The following SMIM43 variants were observed in gnomAD, a reference collection of about 807,000 sequenced individuals.
The protein encoded by SMIM43 is Nodal Enhanced MEsendoderm Peptide.
intron 5 of SMIM43, 105 bp downstream of exon 5, chr4:121,761,433 G>A: frequency 9.5e-7 from 1 of 1,048,986 alleles, no homozygotes; most frequent in Non-Finnish European, 1.4e-6. Flanking sequence ...TTAAAATTTT[G>A]GTCATTTAAA....
In SMIM43 at chr4:121,761,841, T is replaced by G. The variant is rs777019102; in HGVS notation, c.*330A>C. 21 of 1,613,180 alleles carry G rather than the reference T, an allele frequency of 1.3e-5. No homozygotes were observed. Among genetic ancestry groups the G allele is most frequent in the Non-Finnish European group, 1.8e-5 (21 of 1,179,796 alleles). Reference sequence around the variant, plus strand: ...TCCATTGCACTTACAAGTTTGGAAATTAGTGCAACAGCCAAGATTGTCCTG... The same window carrying G: ...TCCATTGCACTTACAAGTTTGGAAAGTAGTGCAACAGCCAAGATTGTCCTG... On this transcript the variant is annotated 3_prime_UTR_variant, in exon 4 of 6. Coordinates refer to ENST00000643802, the MANE Select transcript of SMIM43 (RefSeq NM_001384332.1).
At position 121,764,854 on chromosome 4, in the gene SMIM43, C is replaced by A. The variant is rs1578481800; in HGVS notation, c.*60G>T. On this transcript the variant is annotated 3_prime_UTR_variant, in exon 1 of 6. Coordinates refer to ENST00000643802, the MANE Select transcript of SMIM43 (RefSeq NM_001384332.1). ...AGGCCGCGAGGACGGAGAATCGAGG[C>A]GGAGACCCAGCCCAGCGCCCGCGCA... is the stretch of plus-strand genomic sequence containing the variant. 6 of 397,516 alleles carry A rather than the reference C, an allele frequency of 1.5e-5. No homozygotes were observed. In the East Asian group the frequency reaches 2.1e-4, roughly 14 times the overall value. The allele number at this position is 397,516 out of a possible 1,614,324, so 24.6% of individuals were successfully genotyped here. A position where few individuals can be genotyped will look rare whatever the true frequency, so the allele number is the denominator to read the frequency against.
Position 121,760,131 on chromosome 4 carries a change from T to G in SMIM43, c.*843A>C. The G allele has an allele frequency of 1.8e-6, 2 of 1,111,048 alleles. No individual in the cohort carries two copies. The highest frequency in any genetic ancestry group is 2.6e-5 in the East Asian group (1 of 38,568). 68.8% of individuals were successfully genotyped at this position (1,111,048 alleles called of 1,614,324 possible). ...TTTGACAGTTGTGAAGGAACTAGAG[T>G]TTTGATCTTTTTGAACTTTATGCTC... On this transcript the variant is annotated 3_prime_UTR_variant, in exon 6 of 6. Coordinates refer to ENST00000643802, the MANE Select transcript of SMIM43 (RefSeq NM_001384332.1).
Position 121,760,473 on chromosome 4 carries a change from A to G in SMIM43, c.*501T>C, listed in dbSNP as rs1726001058. ...GGGGTGCTGCGGGGACCATCTTGGA[A>G]CCTGGAGGAAAAAGCCAAGGGAACC... On this transcript the variant is annotated splice_region_variant and 3_prime_UTR_variant, in exon 6 of 6. Coordinates refer to ENST00000643802, the MANE Select transcript of SMIM43 (RefSeq NM_001384332.1). 3 of 1,536,268 alleles carry G rather than the reference A, an allele frequency of 2.0e-6. No homozygotes were observed. The highest frequency in any genetic ancestry group is 2.6e-6 in the Non-Finnish European group (3 of 1,141,810).
In SMIM43 at chr4:121,759,379, G is replaced by T. The variant is rs1725931439; in HGVS notation, c.*1595C>A. On this transcript the variant is annotated 3_prime_UTR_variant, in exon 6 of 6. Coordinates refer to ENST00000643802, the MANE Select transcript of SMIM43 (RefSeq NM_001384332.1). Reference sequence around the variant, plus strand: ...CCATGACTGACCCACACCTCTCCCAGCTGGTTCTACAACACAAGAAAGAGA... The same window carrying T: ...CCATGACTGACCCACACCTCTCCCATCTGGTTCTACAACACAAGAAAGAGA... 6.6e-6 allele frequency: 1 copy of T among 152,196 alleles called. No homozygotes were observed. The highest frequency in any genetic ancestry group is 1.5e-5 in the Non-Finnish European group (1 of 68,048). The allele number at this position is 152,196 out of a possible 1,614,324, so 9.4% of individuals were successfully genotyped here.
chr4:121,760,295 C>T lies in SMIM43; in HGVS notation c.*679G>A. The T allele has an allele frequency of 6.3e-7, 1 of 1,596,648 alleles. No individual in the cohort carries two copies. The highest frequency in any genetic ancestry group is 8.5e-7 in the Non-Finnish European group (1 of 1,174,554). On this transcript the variant is annotated 3_prime_UTR_variant, in exon 6 of 6. Coordinates refer to ENST00000643802, the MANE Select transcript of SMIM43 (RefSeq NM_001384332.1). The stretch of plus-strand genomic sequence containing the variant: ...ATCCAGCTACAAAAACTACATTTCT[C>T]AGACAATCTTGCAGATAGCAGTAGC...
At chr4:121,764,451 T>C in intron 1 of SMIM43, 1 of 153,716 alleles carries the variant, frequency 6.5e-6, no homozygotes, top group Middle Eastern at 3.1e-3. Flanking sequence ...GCCCACACAG[T>C]CTTTCTCAAA....
rs1726279676 is a variant in SMIM43, at chr4:121,765,019, G to A, written c.87C>T (p.Ile29=). The part of the protein sequence containing the change: ...FLLFLLLFVV[I]KQLKNSVANT... ...TGGCCACGGAGTTCTTCAGCTGCTT[G>A]ATGACCACGAAGAGCAGGAGGAAAA... Residue 29 remains isoleucine (I), a synonymous_variant, in exon 1 of 6, where the codon ATC becomes ATT. Transcript: ENST00000643802. The A allele has an allele frequency of 1.3e-5, 5 of 398,670 alleles. No homozygotes were observed. Among genetic ancestry groups the A allele is most frequent in the Non-Finnish European group, 1.3e-5 (3 of 225,888 alleles). The allele number at this position is 398,670 out of a possible 1,614,324, so 24.7% of individuals were successfully genotyped here. A position where few individuals can be genotyped will look rare whatever the true frequency, so the allele number is the denominator to read the frequency against.
chr4:121,760,343 G>T lies in SMIM43; in HGVS notation c.*631C>A. 6.2e-7 allele frequency: 1 copy of T among 1,613,924 alleles called. No individual in the cohort carries two copies. On this transcript the variant is annotated 3_prime_UTR_variant, in exon 6 of 6. Transcript: ENST00000643802. ...AGCCAATGACACAGTTCTGGCCAAT[G>T]AGATGAAGGCAAAAGTTATTGGGCT...
rs1159937953 is a variant in SMIM43 at position 121,760,242 on chromosome 4, A to AGAAGGC, written c.*731_*732insGCCTTC. On this transcript the variant is annotated 3_prime_UTR_variant, in exon 6 of 6. Coordinates refer to ENST00000643802, the MANE Select transcript of SMIM43 (RefSeq NM_001384332.1). Reference sequence around the variant, plus strand: ...ATCATCTTCTTCTTCATCAAGAGAAACTGGATTTTTGTCAAAGGCAGTTAT... The same window carrying AGAAGGC: ...ATCATCTTCTTCTTCATCAAGAGAAAGAAGGCCTGGATTTTTGTCAAAGGCAGTTAT... The AGAAGGC allele has an allele frequency of 2.0e-5, 31 of 1,538,964 alleles. No individual in the cohort carries two copies. In the Middle Eastern group the frequency reaches 7.0e-4, roughly 35 times the overall value.
intron 5 of SMIM43, among the ~76,000 whole-genome samples, chr4:121,761,308 C>A (rs1726049649): frequency 6.6e-6 from 1 of 151,046 alleles, no homozygotes; most frequent in Non-Finnish European, 1.5e-5. Context: ...TGTGTAGATA[C>A]CTTATGCATT....
Position 121,759,714 on chromosome 4 carries a change from C to T in SMIM43, c.*1260G>A, listed in dbSNP as rs1725949353. ...AGGCAATTCTTCTCCCAGGATATTC[C>T]TAGACTGGTGGTGGAGTCACAGAAA... On this transcript the variant is annotated 3_prime_UTR_variant, in exon 6 of 6. Transcript: ENST00000643802. 1 of 152,154 alleles carries T rather than the reference C, an allele frequency of 6.6e-6. No homozygotes were observed. The highest frequency in any genetic ancestry group is 1.5e-5 in the Non-Finnish European group (1 of 68,044). 9.4% of individuals were successfully genotyped at this position (152,154 alleles called of 1,614,324 possible). A position where few individuals can be genotyped will look rare whatever the true frequency, so the allele number is the denominator to read the frequency against.
intron 3 of SMIM43, chr4:121,762,473 T>C (rs1726122575): frequency 6.6e-6 from 1 of 152,270 alleles, no homozygotes; most frequent in African/African-American, 2.4e-5. Flanking sequence ...AGCAGCAAGA[T>C]CTAAGAGCAA....
Position 121,759,452 on chromosome 4 carries a change from G to C in SMIM43, c.*1522C>G, listed in dbSNP as rs1409898321. On this transcript the variant is annotated 3_prime_UTR_variant, in exon 6 of 6. Transcript: ENST00000643802. The stretch of plus-strand genomic sequence containing the variant: ...ACACAATAGCTAGTAGCCCCATTTG[G>C]CTATCTGAATTTAAATTAATTACAA... 6.6e-6 allele frequency: 1 copy of C among 152,096 alleles called. No individual in the cohort carries two copies. Among genetic ancestry groups the C allele is most frequent in the Non-Finnish European group, 1.5e-5 (1 of 68,004 alleles). The allele number at this position is 152,096 out of a possible 1,614,324, so 9.4% of individuals were successfully genotyped here.
chr4:121,765,228 G>T (rs1219622214), upstream of SMIM43: 1 of 382,076 alleles, frequency 2.6e-6, no homozygotes, highest in South Asian at 1.4e-4. Context: ...CCCGCTATGG[G>T]CGCCGACTCC....
At position 121,760,335 on chromosome 4, in the gene SMIM43, T is replaced by C. The variant is rs140219322; in HGVS notation, c.*639A>G. 6.6e-5 allele frequency: 107 copies of C among 1,614,060 alleles called. No homozygotes were observed. In the African/African-American group the frequency reaches 1.1e-3, roughly 16 times the overall value. ...ATAGCAGTAGCCAATGACACAGTTC[T>C]GGCCAATGAGATGAAGGCAAAAGTT... On this transcript the variant is annotated 3_prime_UTR_variant, in exon 6 of 6. Coordinates refer to ENST00000643802, the MANE Select transcript of SMIM43 (RefSeq NM_001384332.1).
At chr4:121,760,978 G>GCC (rs1560608238) in intron 5 of SMIM43, among the ~76,000 whole-genome samples, 1 of 152,008 alleles carries the variant, frequency 6.6e-6, no homozygotes, top group African/African-American at 2.4e-5. Flanking sequence ...GGGTCTGAAC[G>GCC]CCCTTCTGAT....
intron 4 of SMIM43, 26 bp from the exon 5 acceptor site, chr4:121,761,721 A>T (rs780459820): frequency 6.8e-6 from 11 of 1,611,188 alleles, no homozygotes; most frequent in Non-Finnish European, 8.5e-6. Flanking sequence ...AGACATAGGA[A>T]TCTACTTTAT....
intron 5 of SMIM43, 66 bp downstream of exon 5, chr4:121,761,472 C>T (rs1382736075): frequency 1.4e-6 from 2 of 1,477,144 alleles, no homozygotes; most frequent in Admixed American, 4.7e-5. Flanking sequence ...GATTTTGAAA[C>T]TATAGACAAA....
Sources: gnomAD v4.1 joint callset for allele counts (sites outside exome capture counted in the v4.1 genomes callset) on GRCh38, gnomAD v4.1.1 for gene constraint, MANE v1.5 for transcripts, NCBI Gene and HGNC (gene_info 2026-07-23, HGNC 2026-07-21) for gene names.